PTCH1: variants seen among roughly 807,000 people sequenced by gnomAD.
PTCH1 encodes patched 1.
In PTCH1, 14 loss-of-function variants were observed where a neutral mutation model predicts 144.6. That is an observed-to-expected ratio of 0.10 (90% CI 0.06 to 0.15). The LOEUF (loss-of-function observed/expected upper bound fraction) is 0.15, where lower values mean the gene tolerates loss of function less well. Among genes scored for constraint, PTCH1 ranks in the 10% least tolerant of loss-of-function variants. PTCH1 has a pLI of 1.00. For synonymous variants in PTCH1, 833 were observed against 793.6 expected (o/e 1.05, Z -0.83); for missense variants, 1,623 against 1,948.3 (o/e 0.83, Z 3.14).
rs1840307616 is a variant in PTCH1 at position 95,469,027 on chromosome 9, C to A, written c.1974G>T (p.Met658Ile). The A allele has an allele frequency of 6.2e-7, 1 of 1,613,860 alleles. No homozygotes were observed. ...CCGTGCGGAGCTGGACAGTGGACTG[C>A]ATGGTAATCTGCGTTTCATGGGCAA... ...HSFAHETQIT[M>I]QSTVQLRTEY... The change falls in exon 14 of 24, where the codon ATG (methionine) becomes ATT (isoleucine). Residue 658 changes from methionine (M) to isoleucine (I), a missense_variant. This residue lies in a region of PTCH1 where 179 missense variants were observed against 165.7 expected (regional missense o/e 1.08). Coordinates refer to ENST00000331920, the MANE Select transcript of PTCH1 (RefSeq NM_000264.5).
At chr9:95,479,810 G>T in intron 7 of PTCH1, 159 bp downstream of exon 7, 2 of 1,200,482 alleles carry the variant, frequency 1.7e-6, no homozygotes, top group Non-Finnish European at 2.4e-6. Context: ...AGCTGTTGCA[G>T]TCTGCTACTA....
intron 2 of PTCH1, among the ~76,000 whole-genome samples, chr9:95,504,462 T>C (rs765983487): frequency 1.3e-5 from 2 of 152,202 alleles, no homozygotes; most frequent in Non-Finnish European, 1.5e-5. Context: ...TGAAAACTCT[T>C]GCTAAGAACA....
At chr9:95,448,471 C>T (rs1041567854) in intron 22 of PTCH1, among the ~76,000 whole-genome samples, 1 of 152,188 alleles carries the variant, frequency 6.6e-6, no homozygotes, top group African/African-American at 2.4e-5. Flanking sequence ...GGCTCCCAGG[C>T]TCCTGGTGAC....
chr9:95,491,797 T>C (rs775748512), intron 2 of PTCH1, among the ~76,000 whole-genome samples: 14 of 152,206 alleles, frequency 9.2e-5, no homozygotes, highest in Non-Finnish European at 1.6e-4. Flanking sequence ...GCCAATATGA[T>C]GCTCCAAGTG....
In PTCH1 at chr9:95,458,138, A is replaced by T. The variant is rs1318411238; in HGVS notation, c.3043T>A (p.Phe1015Ile). 6.2e-7 allele frequency: 1 copy of T among 1,614,216 alleles called. No homozygotes were observed. The highest frequency in any genetic ancestry group is 8.5e-7 in the Non-Finnish European group (1 of 1,180,040). ...GLSSYPNGYP[F>I]LFWEQYIGLR... ...CCGATGTACTGCTCCCAGAAGAGGA[A>T]GGGGTAGCCGTTGGGGTAACTGGAC... Residue 1015 changes from phenylalanine to isoleucine, a missense_variant, in exon 18 of 24, where the codon TTC becomes ATC. This residue lies in a region of PTCH1 where 504 missense variants were observed against 679.3 expected (regional missense o/e 0.74). Coordinates refer to ENST00000331920, the MANE Select transcript of PTCH1 (RefSeq NM_000264.5). The surrounding 1 kb of genome is among the most constrained non-coding windows in gnomAD (Gnocchi z 4.7).
At chr9:95,489,272 G>C (rs936505973) in intron 2 of PTCH1, among the ~76,000 whole-genome samples, 2 of 152,174 alleles carry the variant, frequency 1.3e-5, no homozygotes, top group African/African-American at 4.8e-5. Flanking sequence ...GTGAAGCTTT[G>C]AGCTCAGGAA....
rs201844777 is a variant in PTCH1, at chr9:95,508,151, T to C, written c.201+10A>G. On this transcript the variant is annotated intron_variant, in intron 1 of 23. Transcript: ENST00000331920. ...GAAGAGAAAGTGGGAGGAGAGAGTC[T>C]GAAATGCACCTTGGAAATCTGCTCC... is the stretch of plus-strand genomic sequence containing the variant. 1 of 1,612,220 alleles carries C rather than the reference T, an allele frequency of 6.2e-7. No individual in the cohort carries two copies. Among genetic ancestry groups the C allele is most frequent in the East Asian group, 2.2e-5 (1 of 44,856 alleles).
intron 18 of PTCH1, among the ~76,000 whole-genome samples, chr9:95,456,864 C>G (rs1479362815): frequency 6.6e-6 from 1 of 152,130 alleles, no homozygotes; most frequent in Non-Finnish European, 1.5e-5. Flanking sequence ...ACTCTCCATT[C>G]TAAAGAAAGC....
chr9:95,484,472 C>A lies in PTCH1; in HGVS notation c.584+1213G>T, dbSNP rs371666620. ...GCTGTGCTTGTCCCTAGGATCCTGTCGAGCTGGAATGTAAGCAGAGGTTAG... is the reference window on the plus strand; with the variant it reads ...GCTGTGCTTGTCCCTAGGATCCTGTAGAGCTGGAATGTAAGCAGAGGTTAG... On this transcript the variant is annotated intron_variant, in intron 3 of 23. Coordinates refer to ENST00000331920, the MANE Select transcript of PTCH1 (RefSeq NM_000264.5). Among the ~76,000 whole-genome samples the A allele has an allele frequency of 4.5e-4, 68 of 152,250 alleles. No individual in the cohort carries two copies. The South Asian group carries it at 0.013, about 29-fold the overall frequency.
At position 95,449,904 on chromosome 9, in the gene PTCH1, G is replaced by A. The variant is rs1554689696; in HGVS notation, c.3486C>T (p.Leu1162=). Residue 1162 remains leucine, a synonymous_variant, in exon 21 of 24, where the codon CTC becomes CTT. Coordinates refer to ENST00000331920, the MANE Select transcript of PTCH1 (RefSeq NM_000264.5). The surrounding 1 kb of genome is among the most constrained non-coding windows in gnomAD (Gnocchi z 5.3). ...FFAVLAILTI[L]GVLNGLVLLP... ...GCAAAACCAGCCCATTGAGAACGCC[G>A]AGGATGGTGAGGATCGCCAGCACAG... 1.2e-6 allele frequency: 2 copies of A among 1,614,194 alleles called. No individual in the cohort carries two copies. The highest frequency in any genetic ancestry group is 1.7e-5 in the Admixed American group (1 of 60,026).
At chr9:95,503,498 C>T (rs16909919) in intron 2 of PTCH1, among the ~76,000 whole-genome samples, 55,955 of 151,978 alleles carry the variant, frequency 0.37, 10,975 homozygotes, top group African/African-American at 0.49. Context: ...CTAGTTGGGT[C>T]TATCTGCATT....
exon 1 of PTCH1, chr9:95,516,792 A>C (rs1279765240): frequency 6.2e-7 from 1 of 1,611,762 alleles, no homozygotes; most frequent in East Asian, 2.2e-5. Flanking sequence ...ACTCACAATT[A>C]CAAGCCTGTT....
At chr9:95,477,514 C>T in intron 10 of PTCH1, 33 bp downstream of exon 10, 1 of 1,614,000 alleles carries the variant, frequency 6.2e-7, no homozygotes, top group South Asian at 1.1e-5. Flanking sequence ...TGGCATTTGT[C>T]AACGGACAGC....
At chr9:95,480,649 A>C (rs1202428232) in intron 5 of PTCH1, 61 bp from the exon 6 acceptor site, 2 of 1,532,106 alleles carry the variant, frequency 1.3e-6, no homozygotes, top group African/African-American at 1.4e-5. Context: ...TCGTAAAGTA[A>C]CACGGCTGCG....
intron 12 of PTCH1, among the ~76,000 whole-genome samples, chr9:95,472,346 C>T (rs1840660744): frequency 6.7e-6 from 1 of 149,396 alleles, no homozygotes; most frequent in Non-Finnish European, 1.5e-5. Flanking sequence ...TGCCAAGCCC[C>T]TAGCTCAGCT....
chr9:95,458,531 T>C lies in PTCH1; in HGVS notation c.2888-238A>G, dbSNP rs1270593756. Among the ~76,000 whole-genome samples the C allele has an allele frequency of 1.3e-5, 2 of 152,248 alleles. No homozygotes were observed. Among genetic ancestry groups the C allele is most frequent in the Admixed American group, 6.5e-5 (1 of 15,294 alleles). The stretch of plus-strand genomic sequence containing the variant: ...TTTGATTTTAATCTTCCAGCAGTCA[T>C]TCTTTGTGAGGGGTCTAAAAACTCC... On this transcript the variant is annotated intron_variant, in intron 17 of 23. Coordinates refer to ENST00000331920, the MANE Select transcript of PTCH1 (RefSeq NM_000264.5). This position sits in a 1 kb window ranked among gnomAD's most constrained non-coding sequence, Gnocchi z 4.7.
chr9:95,446,887 G>C, intron 23 of PTCH1, 24 bp downstream of exon 23: 2 of 1,613,114 alleles, frequency 1.2e-6, no homozygotes, highest in Non-Finnish European at 1.7e-6. Flanking sequence ...AGGTCCCTTG[G>C]CTGCCCTTGT....
chr9:95,476,014 C>T lies in PTCH1; in HGVS notation c.1728+20G>A, dbSNP rs771172278. 4 of 1,613,134 alleles carry T rather than the reference C, an allele frequency of 2.5e-6. No individual in the cohort carries two copies. In the South Asian group the frequency reaches 4.4e-5, roughly 18 times the overall value. On this transcript the variant is annotated intron_variant, in intron 12 of 23. Transcript: ENST00000331920. The surrounding 1 kb of genome is among the most constrained non-coding windows in gnomAD (Gnocchi z 4.6). ...GTGCCCCGTTCAGGATCACCACAGC[C>T]TTCATCACCAGAAGCTCACCTGGAG...
chr9:95,491,849 A>T (rs1351647249), intron 2 of PTCH1, among the ~76,000 whole-genome samples: 1 of 152,238 alleles, frequency 6.6e-6, no homozygotes, highest in African/African-American at 2.4e-5. Context: ...TCACAGTCAA[A>T]ACAGGCTCAC....
Sources: gnomAD v4.1 joint callset for allele counts (sites outside exome capture counted in the v4.1 genomes callset) on GRCh38, gnomAD v4.1.1 for gene constraint, gnomAD v4.1.1 regional missense constraint, Gnocchi (gnomAD v3.1) non-coding constraint, MANE v1.5 for transcripts, NCBI Gene and HGNC (gene_info 2026-07-23, HGNC 2026-07-21) for gene names.